The following DACH1 variants were observed in gnomAD, a reference collection of about 807,000 sequenced individuals.
The protein encoded by DACH1 is dachshund homolog 1.
Under a neutral mutation model 54.2 loss-of-function variants are expected in DACH1, and 12 were observed. That is an observed-to-expected ratio of 0.22 (90% CI 0.14 to 0.36). DACH1 has a LOEUF of 0.36. Among genes scored for constraint, DACH1 ranks in the 10% least tolerant of loss-of-function variants. The probability of loss-of-function intolerance (pLI) is 1.00; values close to 1 mark genes in which losing one functional copy is unlikely to be tolerated. For synonymous variants in DACH1, 386 were observed against 366.2 expected (o/e 1.05, Z -0.62); for missense variants, 805 against 929.8 (o/e 0.87, Z 1.75).
intron 6 of DACH1, among the ~76,000 whole-genome samples, chr13:71,513,939 T>A (rs1295120180): frequency 6.6e-6 from 1 of 152,072 alleles, no homozygotes; most frequent in Non-Finnish European, 1.5e-5. Context: ...TGAACACTCA[T>A]TTACCTTGTA....
At chr13:71,727,954 A>G (rs1447859372) in intron 1 of DACH1, among the ~76,000 whole-genome samples, 1 of 152,100 alleles carries the variant, frequency 6.6e-6, no homozygotes, top group Non-Finnish European at 1.5e-5. Flanking sequence ...TGGAAGTAAC[A>G]GTCCTTTCTA....
At chr13:71,665,702 C>A (rs552785833) in intron 2 of DACH1, among the ~76,000 whole-genome samples, 2 of 152,080 alleles carry the variant, frequency 1.3e-5, no homozygotes, top group South Asian at 4.1e-4. Context: ...GTTCATCTAA[C>A]AATTTTTTAT....
intron 1 of DACH1, among the ~76,000 whole-genome samples, chr13:71,754,111 T>C (rs1885042152): frequency 6.6e-6 from 1 of 152,178 alleles, no homozygotes; most frequent in Non-Finnish European, 1.5e-5. Flanking sequence ...TTTCTCTTTT[T>C]TTCATATCCT....
chr13:71,763,349 T>G (rs1256840147), intron 1 of DACH1, among the ~76,000 whole-genome samples: 1 of 152,214 alleles, frequency 6.6e-6, no homozygotes, highest in Non-Finnish European at 1.5e-5. Flanking sequence ...CTACACTGCC[T>G]CTCATTTTTG....
intron 2 of DACH1, among the ~76,000 whole-genome samples, chr13:71,642,870 CA>C (rs973955592): frequency 1.5e-4 from 22 of 151,662 alleles, no homozygotes; most frequent in African/African-American, 5.3e-4. Context: ...AAAAAATATA[CA>C]AAAATTAGCC....
chr13:71,475,629 A>C, intron 9 of DACH1, 77 bp downstream of exon 9: 1 of 1,476,324 alleles, frequency 6.8e-7, no homozygotes, highest in South Asian at 1.3e-5. Context: ...AACATACAAA[A>C]CTACAAACAC....
intron 1 of DACH1, among the ~76,000 whole-genome samples, chr13:71,754,709 T>A (rs1885069954): frequency 6.6e-6 from 1 of 151,348 alleles, no homozygotes; most frequent in Non-Finnish European, 1.5e-5. Flanking sequence ...AAGATAAATG[T>A]AGGCCAAATT....
At chr13:71,741,144 G>C (rs904931226) in intron 1 of DACH1, among the ~76,000 whole-genome samples, 1 of 152,086 alleles carries the variant, frequency 6.6e-6, no homozygotes, top group African/African-American at 2.4e-5. Flanking sequence ...GAAGTAACTT[G>C]CTATGTACAT....
chr13:71,562,342 T>C (rs527539850), intron 4 of DACH1, among the ~76,000 whole-genome samples: 13 of 152,056 alleles, frequency 8.5e-5, no homozygotes, highest in African/African-American at 2.9e-4. Flanking sequence ...CTTAAAATAC[T>C]GCAAATATGC....
Position 71,475,867 on chromosome 13 carries a change from C to T in DACH1, c.1871-18G>A. The stretch of plus-strand genomic sequence containing the variant: ...AACTATGGCTAAAAAAGAGTGTATG[C>T]ATATTATTATTATTATTTTTAAATT... On this transcript the variant is annotated intron_variant, in intron 8 of 10. Coordinates refer to ENST00000613252, the MANE Select transcript of DACH1 (RefSeq NM_080759.6). 6.7e-7 allele frequency: 1 copy of T among 1,495,642 alleles called. No individual in the cohort carries two copies. Among genetic ancestry groups the T allele is most frequent in the South Asian group, 1.4e-5 (1 of 70,768 alleles). The allele number at this position is 1,495,642 out of a possible 1,614,324, so 92.6% of individuals were successfully genotyped here. A position where few individuals can be genotyped will look rare whatever the true frequency, so the allele number is the denominator to read the frequency against.
chr13:71,794,399 T>C (rs1344891205), intron 1 of DACH1, among the ~76,000 whole-genome samples: 3 of 152,206 alleles, frequency 2.0e-5, no homozygotes, highest in Non-Finnish European at 4.4e-5. Flanking sequence ...TTGGTTTGCT[T>C]ACCCACTAAT....
At chr13:71,617,381 C>G (rs1463021963) in intron 3 of DACH1, among the ~76,000 whole-genome samples, 1 of 152,060 alleles carries the variant, frequency 6.6e-6, no homozygotes, top group African/African-American at 2.4e-5. Flanking sequence ...GCCAACTAAT[C>G]AGAATTCCTG....
chr13:71,587,730 C>T (rs1873384978), intron 3 of DACH1, among the ~76,000 whole-genome samples: 1 of 151,872 alleles, frequency 6.6e-6, no homozygotes, highest in Admixed American at 6.6e-5. Context: ...CAGATAAAAG[C>T]CAGCTGGATC....
intron 1 of DACH1, among the ~76,000 whole-genome samples, chr13:71,818,955 A>C (rs1238712603): frequency 6.6e-6 from 1 of 152,226 alleles, no homozygotes; most frequent in Non-Finnish European, 1.5e-5. Context: ...GTCTCTATAG[A>C]GAACACAAGC....
rs562733348 is a variant in DACH1 at position 71,544,714 on chromosome 13, G to T, written c.1570+12310C>A. Among the ~76,000 whole-genome samples the T allele has an allele frequency of 1.8e-4, 28 of 152,142 alleles. No homozygotes were observed. In the East Asian group the frequency reaches 5.4e-3, roughly 29 times the overall value. ...CACACTGCAGTATGATAGTCTTTGT[G>T]ACAGACACTGAAGATCCAGTTGTAA... On this transcript the variant is annotated intron_variant, in intron 6 of 10. Coordinates refer to ENST00000613252, the MANE Select transcript of DACH1 (RefSeq NM_080759.6).
chr13:71,635,410 A>G (rs558751775), intron 2 of DACH1, among the ~76,000 whole-genome samples: 1 of 152,298 alleles, frequency 6.6e-6, no homozygotes, highest in South Asian at 2.1e-4. Context: ...TCCTGTCTCT[A>G]AAAACATAGC....
intron 1 of DACH1, among the ~76,000 whole-genome samples, chr13:71,716,560 C>T (rs1287619651): frequency 6.6e-6 from 1 of 152,060 alleles, no homozygotes; most frequent in Non-Finnish European, 1.5e-5. Context: ...CAATTCTCAC[C>T]AACTTCTTCC....
chr13:71,723,596 G>C (rs1182992722), intron 1 of DACH1, among the ~76,000 whole-genome samples: 1 of 152,098 alleles, frequency 6.6e-6, no homozygotes, highest in East Asian at 1.9e-4. Flanking sequence ...TTTTTAGTAA[G>C]GTGGTTTTTT....
intron 2 of DACH1, among the ~76,000 whole-genome samples, chr13:71,658,093 T>C (rs1304797652): frequency 3.3e-5 from 5 of 152,224 alleles, no homozygotes. Flanking sequence ...AAACACAGTA[T>C]ATCTATGATA....
Sources: allele counts gnomAD v4.1 joint callset (sites outside exome capture counted in the v4.1 genomes callset), GRCh38; gene constraint gnomAD v4.1.1; transcripts MANE v1.5; gene names NCBI Gene and HGNC (gene_info 2026-07-23, HGNC 2026-07-21).